Variants in BLTP3B observed in about 807,000 individuals in gnomAD.
The protein encoded by BLTP3B is bridge-like lipid transfer protein family member 3B.
chr12:100,088,093 G>C, the BLTP3B span, among the ~76,000 whole-genome samples: 1 of 152,026 alleles, frequency 6.6e-6, no homozygotes, highest in East Asian at 1.9e-4. Flanking sequence ...TAAGTATCCA[G>C]GGTCTCAATA....
chr12:100,068,726 G>A, the BLTP3B span, among the ~76,000 whole-genome samples: 89 of 152,226 alleles, frequency 5.8e-4, no homozygotes, highest in African/African-American at 1.9e-3. Context: ...TATACAAATG[G>A]CCAACAAACA....
At chr12:100,037,900 G>T in the BLTP3B span, 1 of 662,748 alleles carries the variant, frequency 1.5e-6, no homozygotes, top group Non-Finnish European at 2.4e-6. Flanking sequence ...AAACTGCTTT[G>T]AGACAACATT....
At chr12:100,124,153 A>C in the BLTP3B span, among the ~76,000 whole-genome samples, 91 of 151,536 alleles carry the variant, frequency 6.0e-4, 1 homozygote, top group Admixed American at 1.1e-3. Flanking sequence ...GCATGCCTGT[A>C]GACCTAGCTA....
At chr12:100,073,600 A>G in the BLTP3B span, among the ~76,000 whole-genome samples, 1 of 152,008 alleles carries the variant, frequency 6.6e-6, no homozygotes, top group Non-Finnish European at 1.5e-5. Context: ...TATAATTATT[A>G]TTGTAAATTC....
the BLTP3B span, chr12:100,097,278 T>C: frequency 7.3e-7 from 1 of 1,366,820 alleles, no homozygotes. Context: ...TAAAATTTCC[T>C]ATAGTTAACT....
the BLTP3B span, among the ~76,000 whole-genome samples, chr12:100,129,455 C>T: frequency 2.0e-5 from 3 of 152,212 alleles, no homozygotes; most frequent in African/African-American, 4.8e-5. Context: ...CTACTATGTA[C>T]TGCAGTCCTG....
the BLTP3B span, among the ~76,000 whole-genome samples, chr12:100,091,141 C>T: frequency 6.7e-6 from 1 of 149,024 alleles, no homozygotes; most frequent in East Asian, 2.0e-4. Context: ...ATTTTCCTCC[C>T]AAGTAGCTGG....
chr12:100,077,023 T>G, the BLTP3B span, among the ~76,000 whole-genome samples: 3 of 152,228 alleles, frequency 2.0e-5, no homozygotes, highest in Non-Finnish European at 4.4e-5. Flanking sequence ...TTCCTCTTTC[T>G]CATTTCCACA....
chr12:100,100,918 A>C, the BLTP3B span, among the ~76,000 whole-genome samples: 1 of 152,150 alleles, frequency 6.6e-6, no homozygotes, highest in African/African-American at 2.4e-5. Flanking sequence ...CCATACTGCC[A>C]TATGTCAAAA....
chr12:100,070,041 A>G, the BLTP3B span: 1 of 1,375,446 alleles, frequency 7.3e-7, no homozygotes, highest in Admixed American at 2.9e-5. Context: ...TACAGTGGAG[A>G]AAAAACAATG....
chr12:100,053,229 A>AC, the BLTP3B span, among the ~76,000 whole-genome samples: 1 of 151,434 alleles, frequency 6.6e-6, no homozygotes, highest in Admixed American at 6.6e-5. Flanking sequence ...ACATGGTAAA[A>AC]CCCCATCTCG....
the BLTP3B span, chr12:100,060,064 T>G: frequency 6.5e-7 from 1 of 1,531,274 alleles, no homozygotes; most frequent in Non-Finnish European, 8.7e-7. Context: ...AAGATGTTTT[T>G]TAAAAATTTT....
At chr12:100,140,573 C>T in the BLTP3B span, among the ~76,000 whole-genome samples, 2 of 150,542 alleles carry the variant, frequency 1.3e-5, no homozygotes, top group South Asian at 2.1e-4. Flanking sequence ...GGCGTGGTGG[C>T]GCATGCCTGT....
the BLTP3B span, among the ~76,000 whole-genome samples, chr12:100,107,813 CA>C: frequency 4.6e-5 from 7 of 152,192 alleles, no homozygotes; most frequent in Non-Finnish European, 1.0e-4. Flanking sequence ...TGACTCACTG[CA>C]GCCTCACCCT....
At chr12:100,130,070 G>A in the BLTP3B span, among the ~76,000 whole-genome samples, 1 of 152,256 alleles carries the variant, frequency 6.6e-6, no homozygotes, top group South Asian at 2.1e-4. Flanking sequence ...TGATTCTCCT[G>A]CCTCAGCCTC....
At chr12:100,078,026 G>C in the BLTP3B span, among the ~76,000 whole-genome samples, 1 of 152,040 alleles carries the variant, frequency 6.6e-6, no homozygotes. Context: ...AAGCAACTAG[G>C]AATTGGAATT....
chr12:100,044,187 T>C, the BLTP3B span, among the ~76,000 whole-genome samples: 1 of 152,144 alleles, frequency 6.6e-6, no homozygotes, highest in Non-Finnish European at 1.5e-5. Context: ...ACCTAAGCTA[T>C]CCTCTTCACC....
the BLTP3B span, chr12:100,086,372 A>AAAGG: frequency 2.3e-6 from 1 of 439,236 alleles, no homozygotes; most frequent in East Asian, 4.9e-5. Context: ...GGAAAAAAAA[A>AAAGG]GGGGGGGGGG....
chr12:100,051,317 A>G, the BLTP3B span: 1 of 1,103,960 alleles, frequency 9.1e-7, no homozygotes, highest in African/African-American at 1.6e-5. Flanking sequence ...TATCCCTTCA[A>G]CTCTTTCTCA....
Sources: gnomAD v4.1 joint callset for allele counts (sites outside exome capture counted in the v4.1 genomes callset) on GRCh38, gnomAD v4.1.1 for gene constraint, MANE v1.5 for transcripts, NCBI Gene and HGNC (gene_info 2026-07-23, HGNC 2026-07-21) for gene names.